TLN2: variants seen among roughly 807,000 people sequenced by gnomAD.
TLN2 encodes talin-2.
TLN2 carries 118 observed loss-of-function variants against 294.7 expected under a neutral mutation model. The observed-to-expected ratio is 0.40, with a 90% CI of 0.34 to 0.47. TLN2 has a LOEUF of 0.47. Ranked by LOEUF, TLN2 falls within the 20% of genes least tolerant of loss-of-function variation. The pLI is 0.84. For synonymous variants in TLN2, 1,431 were observed against 1,304.5 expected, an observed-to-expected ratio of 1.10 and a Z score of -2.09; for missense variants, 3,083 against 3,282.2, an observed-to-expected ratio of 0.94 and a Z score of 1.48.
chr15:62,547,277 C>A (rs1365458707), intron 1 of TLN2, among the ~76,000 whole-genome samples: 1 of 152,188 alleles, frequency 6.6e-6, no homozygotes, highest in Non-Finnish European at 1.5e-5. Context: ...AATCCTTGTG[C>A]AGATAAGGGA....
intron 32 of TLN2, among the ~76,000 whole-genome samples, chr15:62,747,074 CA>C (rs1228969356): frequency 1.3e-5 from 2 of 151,446 alleles, no homozygotes; most frequent in African/African-American, 4.9e-5. Context: ...CTTACCTATG[CA>C]AAAAAAATGT....
chr15:62,449,836 A>G lies in TLN2; in HGVS notation c.-238+59151A>G, dbSNP rs570034805. Among the ~76,000 whole-genome samples the G allele has an allele frequency of 3.3e-5, 5 of 152,318 alleles. 1 individual carries two copies. In the South Asian group the frequency reaches 1.0e-3, roughly 32 times the overall value. On this transcript the variant is annotated intron_variant, in intron 1 of 58. Coordinates refer to ENST00000636159, the MANE Select transcript of TLN2 (RefSeq NM_015059.3). ...AGAGAAAGGACAAGAGAAAGTTGGC[A>G]GGTAGCCATATTTCCAGGCTTAGCA...
chr15:62,785,022 A>C lies in TLN2; in HGVS notation c.5736+1132A>C, dbSNP rs1318661702. Among the ~76,000 whole-genome samples the C allele has an allele frequency of 2.0e-5, 3 of 152,352 alleles. No individual in the cohort carries two copies. The East Asian group carries it at 5.8e-4, about 29-fold the overall frequency. ...ATGTGTGTGGTAACAATGCATGTAAATAGGAGTACCATATATGTATGTACT... is the reference window on the plus strand; with the variant it reads ...ATGTGTGTGGTAACAATGCATGTAACTAGGAGTACCATATATGTATGTACT... On this transcript the variant is annotated intron_variant, in intron 45 of 58. Coordinates refer to ENST00000636159, the MANE Select transcript of TLN2 (RefSeq NM_015059.3).
chr15:62,528,487 C>A (rs562481361), intron 1 of TLN2, among the ~76,000 whole-genome samples: 1 of 152,240 alleles, frequency 6.6e-6, no homozygotes, highest in African/African-American at 2.4e-5. Flanking sequence ...GACTCTATGT[C>A]TGCGACACTC....
chr15:62,465,985 C>T (rs1459260018), intron 1 of TLN2, among the ~76,000 whole-genome samples: 4 of 152,092 alleles, frequency 2.6e-5, no homozygotes, highest in South Asian at 2.1e-4. Flanking sequence ...GAGGGACTGG[C>T]GTGGTGGCTG....
chr15:62,768,835 T>C (rs2063179442), intron 41 of TLN2, among the ~76,000 whole-genome samples: 1 of 152,222 alleles, frequency 6.6e-6, no homozygotes, highest in Non-Finnish European at 1.5e-5. Context: ...GCGGTTAGCA[T>C]GGTGAAGGGC....
At position 62,572,174 on chromosome 15, in the gene TLN2, G is replaced by C. The variant is rs147687631; in HGVS notation, c.-237-17513G>C. ...GCAATGCTCAACTGGTGGGTGTCCT[G>C]AATTGCTTGACAGTTCCTCCCCCTG... On this transcript the variant is annotated intron_variant, in intron 1 of 58. Coordinates refer to ENST00000636159, the MANE Select transcript of TLN2 (RefSeq NM_015059.3). 5.9e-5 allele frequency among the ~76,000 whole-genome samples: 9 copies of C among 152,268 alleles called. No individual in the cohort carries two copies. In the East Asian group the frequency reaches 1.7e-3, roughly 29 times the overall value.
At chr15:62,664,229 G>GA (rs66500232) in intron 9 of TLN2, among the ~76,000 whole-genome samples, 2 of 150,708 alleles carry the variant, frequency 1.3e-5, no homozygotes, top group Admixed American at 1.3e-4. Context: ...TATTAAAAAA[G>GA]AAAAAAAAAA....
intron 1 of TLN2, among the ~76,000 whole-genome samples, chr15:62,524,680 C>G (rs1441487020): frequency 6.6e-6 from 1 of 152,200 alleles, no homozygotes; most frequent in Non-Finnish European, 1.5e-5. Context: ...AGATTGTCAT[C>G]TGCAGCTTCA....
intron 30 of TLN2, among the ~76,000 whole-genome samples, chr15:62,738,975 C>CT (rs2061174136): frequency 6.6e-6 from 1 of 152,164 alleles, no homozygotes; most frequent in Non-Finnish European, 1.5e-5. Context: ...GTTTACAAAG[C>CT]TAAAACTTAG....
chr15:62,403,357 C>T (rs1370395839), intron 1 of TLN2, among the ~76,000 whole-genome samples: 2 of 152,178 alleles, frequency 1.3e-5, no homozygotes, highest in Non-Finnish European at 2.9e-5. Context: ...TCACTGACAC[C>T]ATTTCCTGCT....
At chr15:62,831,279 C>G (rs939279957) in intron 54 of TLN2, 2 of 152,140 alleles carry the variant, frequency 1.3e-5, no homozygotes, top group African/African-American at 4.8e-5. Context: ...GAGGCAAGAG[C>G]GTGAGAGACT....
intron 3 of TLN2, among the ~76,000 whole-genome samples, chr15:62,633,239 G>GTATACA (rs1344228332): frequency 2.0e-5 from 3 of 152,210 alleles, no homozygotes; most frequent in Non-Finnish European, 4.4e-5. Context: ...TGGGCATAAT[G>GTATACA]TATACATATG....
chr15:62,596,740 C>CA (rs11345944), intron 2 of TLN2, among the ~76,000 whole-genome samples: 3,243 of 135,116 alleles, frequency 0.024, 105 homozygotes, highest in African/African-American at 0.077. Flanking sequence ...GACTCTGTCT[C>CA]AAAAAAAAAA....
At chr15:62,526,199 G>A (rs936508797) in intron 1 of TLN2, among the ~76,000 whole-genome samples, 2 of 152,020 alleles carry the variant, frequency 1.3e-5, no homozygotes, top group African/African-American at 2.4e-5. Flanking sequence ...GCGCAATCTC[G>A]GCTCACTGCA....
intron 14 of TLN2, among the ~76,000 whole-genome samples, chr15:62,695,297 CA>C (rs1193914640): frequency 2.0e-5 from 3 of 152,132 alleles, no homozygotes; most frequent in Non-Finnish European, 4.4e-5. Flanking sequence ...AAAGGGAGGC[CA>C]GGGGTCTCAG....
intron 1 of TLN2, among the ~76,000 whole-genome samples, chr15:62,521,761 C>A (rs959159448): frequency 1.3e-5 from 2 of 152,128 alleles, no homozygotes; most frequent in African/African-American, 4.8e-5. Flanking sequence ...TTCCCCCATG[C>A]AAACGGACAT....
chr15:62,605,619 T>C (rs1567179551), intron 2 of TLN2, among the ~76,000 whole-genome samples: 1 of 146,254 alleles, frequency 6.8e-6, no homozygotes, highest in Non-Finnish European at 1.5e-5. Flanking sequence ...ATCCGGTACT[T>C]GACCTGCCAG....
intron 11 of TLN2, among the ~76,000 whole-genome samples, chr15:62,684,702 ACAGT>A (rs879727692): frequency 3.3e-5 from 5 of 151,990 alleles, no homozygotes; most frequent in Non-Finnish European, 7.4e-5. Context: ...ACTGCAGTAG[ACAGT>A]CAGCTTTTGA....
Sources: gnomAD v4.1 joint callset for allele counts (sites outside exome capture counted in the v4.1 genomes callset) on GRCh38, gnomAD v4.1.1 for gene constraint, MANE v1.5 for transcripts, NCBI Gene and HGNC (gene_info 2026-07-23, HGNC 2026-07-21) for gene names.